HS2ST1: variants seen among roughly 807,000 people sequenced by gnomAD.
HS2ST1 encodes the protein heparan sulfate 2-O-sulfotransferase 1.
HS2ST1 carries 18 observed loss-of-function variants against 42.9 expected under a neutral mutation model. That is an observed-to-expected ratio of 0.42 (90% CI 0.29 to 0.62). HS2ST1 has a LOEUF of 0.62. Ranked by LOEUF, HS2ST1 falls within the 20% of genes least tolerant of loss-of-function variation. The pLI, the probability that HS2ST1 is intolerant of heterozygous loss-of-function variation, is 0.21. For missense variants in HS2ST1, 334 were observed against 433.8 expected (o/e 0.77, Z 2.04); for synonymous variants, 146 against 152.9 (o/e 0.95, Z 0.33).
chr1:87,018,132 C>CACACACACACACACACACACACA (rs1649814456), intron 1 of HS2ST1, among the ~76,000 whole-genome samples: 1 of 149,240 alleles, frequency 6.7e-6, no homozygotes, highest in Admixed American at 6.7e-5. Flanking sequence ...TAAATAAAAG[C>CACACACACACACACACACACACA]CACACACACA....
chr1:87,053,659 T>C (rs6674591), intron 1 of HS2ST1, among the ~76,000 whole-genome samples: 108,042 of 152,016 alleles, frequency 0.71, 40,136 homozygotes, highest in East Asian at 0.97. Context: ...TCAAAAAACA[T>C]TTTAAAGGCA....
At chr1:87,039,333 C>T (rs561155603) in intron 1 of HS2ST1, among the ~76,000 whole-genome samples, 20 of 152,292 alleles carry the variant, frequency 1.3e-4, no homozygotes, top group Admixed American at 3.9e-4. Flanking sequence ...CCGGTCAGGG[C>T]GCGGTGTGGA....
rs147279278 is a variant in HS2ST1 at position 86,950,096 on chromosome 1, C to T, written c.124+34936C>T. 6.9e-4 allele frequency among the ~76,000 whole-genome samples: 105 copies of T among 152,272 alleles called. 1 individual carries two copies. The South Asian group carries it at 0.011, about 16-fold the overall frequency. On this transcript the variant is annotated intron_variant, in intron 1 of 6. Coordinates refer to ENST00000370550, the MANE Select transcript of HS2ST1 (RefSeq NM_012262.4). ...GGTGAAAGATTGTTGGGATTGGATT[C>T]GGAGAAATCTGACCAGTTTAACTTA...
intron 1 of HS2ST1, among the ~76,000 whole-genome samples, chr1:87,047,381 A>T (rs1051383010): frequency 7.2e-5 from 11 of 151,782 alleles, no homozygotes; most frequent in Admixed American, 5.2e-4. Context: ...TTTTTCCTTT[A>T]TGTGGCTTTC....
chr1:86,925,179 G>T (rs1352753765), intron 1 of HS2ST1, among the ~76,000 whole-genome samples: 1 of 152,178 alleles, frequency 6.6e-6, no homozygotes, highest in African/African-American at 2.4e-5. Context: ...CTTTGCTCCA[G>T]TTCCCAACAA....
Position 86,914,999 on chromosome 1 carries a change from C to A in HS2ST1, c.-38C>A. 5.6e-6 allele frequency: 9 copies of A among 1,612,022 alleles called. No homozygotes were observed. The highest frequency in any genetic ancestry group is 7.6e-6 in the Non-Finnish European group (9 of 1,179,344). On this transcript the variant is annotated 5_prime_UTR_variant, in exon 1 of 7. Coordinates refer to ENST00000370550, the MANE Select transcript of HS2ST1 (RefSeq NM_012262.4). ...CTCGCCTCCGGGGTCCCGCTCCCCG[C>A]CCCCCGCGGTATGTCTTGATCCCGA...
At chr1:87,020,716 C>T (rs569354421) in intron 1 of HS2ST1, among the ~76,000 whole-genome samples, 1 of 152,172 alleles carries the variant, frequency 6.6e-6, no homozygotes, top group Non-Finnish European at 1.5e-5. Context: ...ATCATCTTCT[C>T]ACTGTGTCTT....
At chr1:86,992,774 C>T (rs959514603) in intron 1 of HS2ST1, among the ~76,000 whole-genome samples, 2 of 152,166 alleles carry the variant, frequency 1.3e-5, no homozygotes, top group African/African-American at 4.8e-5. Flanking sequence ...AAGACAAAAC[C>T]GTACAAATTT....
At chr1:87,008,964 C>G (rs1649516921) in intron 1 of HS2ST1, among the ~76,000 whole-genome samples, 1 of 152,146 alleles carries the variant, frequency 6.6e-6, no homozygotes, top group Admixed American at 6.5e-5. Flanking sequence ...CTGCCTCAGC[C>G]TCCCAAGTAG....
chr1:86,957,373 C>A (rs1243552281), intron 1 of HS2ST1, among the ~76,000 whole-genome samples: 1 of 152,122 alleles, frequency 6.6e-6, no homozygotes, highest in African/African-American at 2.4e-5. Flanking sequence ...GTGATGGAAA[C>A]CAGATTTAAA....
rs115069892 is a variant in HS2ST1, at chr1:87,049,080, C to T, written c.125-23854C>T. Among the ~76,000 whole-genome samples the T allele has an allele frequency of 2.8e-3, 423 of 151,868 alleles. 1 individual carries two copies. The highest frequency in any genetic ancestry group is 9.6e-3 in the African/African-American group (399 of 41,472). ...GAAAGATTTGTTTTCATTTTTTGTGCGAAGGTTTTTTATCTATACATTTAA... is the reference window on the plus strand; with the variant it reads ...GAAAGATTTGTTTTCATTTTTTGTGTGAAGGTTTTTTATCTATACATTTAA... On this transcript the variant is annotated intron_variant, in intron 1 of 6. Coordinates refer to ENST00000370550, the MANE Select transcript of HS2ST1 (RefSeq NM_012262.4).
chr1:86,995,300 T>A (rs1461532389), intron 1 of HS2ST1, among the ~76,000 whole-genome samples: 1 of 152,160 alleles, frequency 6.6e-6, no homozygotes, highest in East Asian at 1.9e-4. Flanking sequence ...GTAAAAATGG[T>A]TACCCATATT....
Position 87,106,820 on chromosome 1 carries a change from T to A in HS2ST1, c.*2124T>A, listed in dbSNP as rs1479957346. ...ATTACATGCTAATGAACAAACCCAG[T>A]ATGCAAGTTATTCTTGCACCACATG... On this transcript the variant is annotated 3_prime_UTR_variant, in exon 7 of 7. Transcript: ENST00000370550. 1.3e-5 allele frequency: 2 copies of A among 152,074 alleles called. No homozygotes were observed. The highest frequency in any genetic ancestry group is 2.9e-5 in the Non-Finnish European group (2 of 67,944). The allele number at this position is 152,074 out of a possible 1,614,324, so 9.4% of individuals were successfully genotyped here.
intron 6 of HS2ST1, 58 bp from the exon 7 acceptor site, chr1:87,104,412 C>G: frequency 9.1e-7 from 1 of 1,095,928 alleles, no homozygotes. Flanking sequence ...AGGCATTGAT[C>G]TTTTGTGTGT....
intron 1 of HS2ST1, among the ~76,000 whole-genome samples, chr1:86,996,236 A>G (rs770572149): frequency 3.3e-5 from 5 of 152,036 alleles, no homozygotes; most frequent in Non-Finnish European, 7.4e-5. Context: ...TGAGATTGGG[A>G]GTTCGAGACC....
chr1:87,057,240 G>C (rs1019808446), intron 1 of HS2ST1, among the ~76,000 whole-genome samples: 6 of 152,078 alleles, frequency 3.9e-5, no homozygotes, highest in South Asian at 2.1e-4. Flanking sequence ...ATGTGCTGTT[G>C]CTAGATGTAA....
chr1:86,992,950 G>C (rs1178190123), intron 1 of HS2ST1: 1 of 922,392 alleles, frequency 1.1e-6, no homozygotes, highest in East Asian at 2.7e-5. Flanking sequence ...GGGAAACTTA[G>C]CAAGGCCTGT....
intron 1 of HS2ST1, among the ~76,000 whole-genome samples, chr1:87,052,239 C>CGAG (rs1650853689): frequency 1.3e-5 from 2 of 151,760 alleles, no homozygotes; most frequent in African/African-American, 4.9e-5. Context: ...GGTGACAGAG[C>CGAG]GAGACCCTGT....
rs553445925 is a variant in HS2ST1 at position 86,962,620 on chromosome 1, G to T, written c.124+47460G>T. Among the ~76,000 whole-genome samples, 292 of 152,296 alleles carry T rather than the reference G, an allele frequency of 1.9e-3. 1 individual carries two copies. Among genetic ancestry groups the T allele is most frequent in the African/African-American group, 6.7e-3 (277 of 41,564 alleles). On this transcript the variant is annotated intron_variant, in intron 1 of 6. Coordinates refer to ENST00000370550, the MANE Select transcript of HS2ST1 (RefSeq NM_012262.4). ...GACACATGATTGGGTAAGATACGTG[G>T]CTTGCCTGGATGCTGTGTTCAGCTA...
Sources: allele counts gnomAD v4.1 joint callset (sites outside exome capture counted in the v4.1 genomes callset), GRCh38; gene constraint gnomAD v4.1.1; transcripts MANE v1.5; gene names NCBI Gene and HGNC (gene_info 2026-07-23, HGNC 2026-07-21).